Variants in CNTN6 observed in about 807,000 individuals in gnomAD.
CNTN6 encodes the protein contactin-6.
CNTN6 carries 137 observed loss-of-function variants against 122.8 expected under a neutral mutation model. The ratio of observed to expected loss-of-function variants is 1.12; its 90% CI spans 0.97 to 1.29. CNTN6 has a LOEUF of 1.29. Among genes scored for constraint, CNTN6 ranks in the 50% most tolerant of loss-of-function variants. The pLI, the probability that CNTN6 is intolerant of heterozygous loss-of-function variation, is 0.00. For synonymous variants in CNTN6, 570 were observed against 426.0 expected (o/e 1.34, Z -4.16); for missense variants, 1,634 against 1,223.4 (o/e 1.34, Z -5.01).
chr3:1,348,155 G>GAAAAAAAAAAAAAA (rs1457391939), intron 11 of CNTN6, among the ~76,000 whole-genome samples: 1 of 21,980 alleles, frequency 4.5e-5, no homozygotes, highest in African/African-American at 4.1e-4. Context: ...CTATGCTATA[G>GAAAAAAAAAAAAAA]ACAAAAAAAA....
chr3:1,218,403 G>A (rs2094157900), intron 2 of CNTN6, among the ~76,000 whole-genome samples: 1 of 152,106 alleles, frequency 6.6e-6, no homozygotes, highest in South Asian at 2.1e-4. Context: ...AAGTGTCAGA[G>A]CCCGAGTGGG....
intron 12 of CNTN6, among the ~76,000 whole-genome samples, chr3:1,361,154 C>CACCCG (rs1559920792): frequency 6.6e-6 from 1 of 152,080 alleles, no homozygotes; most frequent in Non-Finnish European, 1.5e-5. Flanking sequence ...TGAAGGGTCT[C>CACCCG]ACCCGACCCC....
chr3:1,154,288 A>G (rs2092911252), intron 2 of CNTN6, among the ~76,000 whole-genome samples: 1 of 152,140 alleles, frequency 6.6e-6, no homozygotes, highest in African/African-American at 2.4e-5. Context: ...AATGTGAGTA[A>G]TTGTGTTTTC....
intron 1 of CNTN6, among the ~76,000 whole-genome samples, chr3:1,095,711 G>A (rs575093899): frequency 6.6e-6 from 1 of 152,206 alleles, no homozygotes; most frequent in South Asian, 2.1e-4. Flanking sequence ...CGTTTAAATA[G>A]TAAACAAACT....
At chr3:1,310,196 C>T (rs540221496) in intron 7 of CNTN6, among the ~76,000 whole-genome samples, 18 of 152,120 alleles carry the variant, frequency 1.2e-4, no homozygotes, top group East Asian at 1.2e-3. Context: ...TGCCTTTTTC[C>T]GCTATCCAAA....
chr3:1,203,782 G>T (rs2093918793), intron 2 of CNTN6, among the ~76,000 whole-genome samples: 1 of 152,096 alleles, frequency 6.6e-6, no homozygotes, highest in Non-Finnish European at 1.5e-5. Flanking sequence ...TCAGTTATTT[G>T]CAGTCATGCA....
intron 7 of CNTN6, among the ~76,000 whole-genome samples, chr3:1,311,166 G>GTATA (rs1443472484): frequency 6.8e-6 from 1 of 146,836 alleles, no homozygotes; most frequent in Admixed American, 6.8e-5. Context: ...ATACATAGGT[G>GTATA]TATATATAAA....
chr3:1,187,208 CA>C lies in CNTN6; in HGVS notation c.56-33471del, dbSNP rs796303332. ...ACCTTCCTTTGGGAGGCAAGCAACT[CA>C]AAAAAAACTGCCTGATGCGTAATGA... On this transcript the variant is annotated intron_variant, in intron 2 of 22. Coordinates refer to ENST00000446702, the MANE Select transcript of CNTN6 (RefSeq NM_001289080.2). Among the ~76,000 whole-genome samples the C allele has an allele frequency of 4.6e-5, 7 of 151,488 alleles. No homozygotes were observed. In the South Asian group the frequency reaches 1.5e-3, roughly 32 times the overall value.
intron 2 of CNTN6, among the ~76,000 whole-genome samples, chr3:1,182,223 A>G (rs759531838): frequency 3.3e-5 from 5 of 152,300 alleles, no homozygotes; most frequent in Non-Finnish European, 7.4e-5. Flanking sequence ...GGAGAAAAAT[A>G]AAACTAGCTC....
intron 2 of CNTN6, among the ~76,000 whole-genome samples, chr3:1,190,384 T>A (rs2093684668): frequency 6.6e-6 from 1 of 152,206 alleles, no homozygotes; most frequent in South Asian, 2.1e-4. Flanking sequence ...CACATGCACT[T>A]TATATGTCAC....
rs556527113 is a variant in CNTN6, at chr3:1,373,207, G to A, written c.1786+252G>A. On this transcript the variant is annotated intron_variant, in intron 14 of 22. Transcript: ENST00000446702. ...CGGTCACGCTTGGCAAGCGGTGTCA[G>A]TAACTAAAACTTAGACATACCTTCT... Among the ~76,000 whole-genome samples, 3 of 152,248 alleles carry A rather than the reference G, an allele frequency of 2.0e-5. No homozygotes were observed. In the South Asian group the frequency reaches 6.2e-4, roughly 32 times the overall value.
chr3:1,388,264 G>C (rs978408748), intron 20 of CNTN6, among the ~76,000 whole-genome samples: 70 of 148,970 alleles, frequency 4.7e-4, no homozygotes, highest in Admixed American at 4.5e-3. Context: ...CCTGACCCCC[G>C]AGCAGCCTAA....
intron 4 of CNTN6, among the ~76,000 whole-genome samples, chr3:1,246,736 T>C (rs917167050): frequency 3.3e-5 from 5 of 152,146 alleles, no homozygotes; most frequent in Non-Finnish European, 7.4e-5. Flanking sequence ...TAGTAAAAAG[T>C]ATCTCATTTT....
chr3:1,402,967 A>G (rs1695920121), intron 22 of CNTN6, among the ~76,000 whole-genome samples: 1 of 152,114 alleles, frequency 6.6e-6, no homozygotes, highest in Non-Finnish European at 1.5e-5. Context: ...CCAGTCAGTC[A>G]GAGTTAGCAG....
Position 1,239,970 on chromosome 3 carries a change from A to C in CNTN6, c.358+11977A>C, listed in dbSNP as rs145795425. ...TGGTGCTGGGATCATTGAAAAGCCC[A>C]GTGTAGAAGAATGAAACTGGATCCT... On this transcript the variant is annotated intron_variant, in intron 4 of 22. Transcript: ENST00000446702. 3.4e-3 allele frequency among the ~76,000 whole-genome samples: 516 copies of C among 152,254 alleles called. 4 individuals carry two copies. The highest frequency in any genetic ancestry group is 0.012 in the African/African-American group (486 of 41,560).
At chr3:1,374,328 C>T (rs1374522887) in intron 16 of CNTN6, among the ~76,000 whole-genome samples, 4 of 151,954 alleles carry the variant, frequency 2.6e-5, no homozygotes, top group Admixed American at 6.6e-5. Flanking sequence ...GTGTTTGCAT[C>T]GCATCTATTT....
At chr3:1,244,233 A>C in intron 4 of CNTN6, among the ~76,000 whole-genome samples, 2 of 152,150 alleles carry the variant, frequency 1.3e-5, no homozygotes, top group Admixed American at 6.5e-5. Flanking sequence ...AGAAGGAGGA[A>C]TGGAGGGTGG....
chr3:1,254,529 T>C (rs944597214), intron 4 of CNTN6, among the ~76,000 whole-genome samples: 2 of 152,178 alleles, frequency 1.3e-5, no homozygotes, highest in African/African-American at 4.8e-5. Flanking sequence ...CACTTATTTT[T>C]ATTGAGCTAT....
chr3:1,299,133 A>G (rs1696777924), intron 7 of CNTN6, among the ~76,000 whole-genome samples: 1 of 152,182 alleles, frequency 6.6e-6, no homozygotes, highest in Non-Finnish European at 1.5e-5. Flanking sequence ...TTATTTTCAT[A>G]GAGTATGGGT....
Sources: gnomAD v4.1 joint callset for allele counts (sites outside exome capture counted in the v4.1 genomes callset) on GRCh38, gnomAD v4.1.1 for gene constraint, MANE v1.5 for transcripts, NCBI Gene and HGNC (gene_info 2026-07-23, HGNC 2026-07-21) for gene names.